The following NKAIN2 variants were observed in gnomAD, a reference collection of about 807,000 sequenced individuals.
NKAIN2 encodes the protein sodium/potassium-transporting ATPase subunit beta-1-interacting protein 2.
In NKAIN2, 14 loss-of-function variants were observed where a neutral mutation model predicts 32.6. The ratio of observed to expected loss-of-function variants is 0.43; its 90% CI spans 0.28 to 0.67. The LOEUF is 0.67. Ranked by LOEUF, NKAIN2 falls within the 30% of genes least tolerant of loss-of-function variation. The pLI is 0.17. For missense variants in NKAIN2, 198 were observed against 258.3 expected (o/e 0.77, Z 1.60); for synonymous variants, 80 against 87.2 (o/e 0.92, Z 0.46).
At chr6:124,801,703 G>C (rs944135852) in intron 5 of NKAIN2, among the ~76,000 whole-genome samples, 1 of 152,144 alleles carries the variant, frequency 6.6e-6, no homozygotes, top group Non-Finnish European at 1.5e-5. Context: ...CTTGATGAAA[G>C]TTCAGACAAG....
chr6:124,292,447 G>A (rs1795858214), intron 2 of NKAIN2, among the ~76,000 whole-genome samples: 1 of 151,904 alleles, frequency 6.6e-6, no homozygotes. Context: ...TTGCCTTTTT[G>A]AACCAAAAGT....
intron 1 of NKAIN2, among the ~76,000 whole-genome samples, chr6:123,909,588 C>G (rs2114447717): frequency 6.6e-6 from 1 of 152,296 alleles, no homozygotes; most frequent in Admixed American, 6.5e-5. Context: ...TTTCTTCTAC[C>G]TAGAGCATTC....
chr6:123,940,580 T>C (rs1776769564), intron 1 of NKAIN2, among the ~76,000 whole-genome samples: 1 of 152,038 alleles, frequency 6.6e-6, no homozygotes, highest in Non-Finnish European at 1.5e-5. Flanking sequence ...TACTATATTG[T>C]AGGCACTTGT....
At chr6:123,826,357 A>C (rs1268221850) in intron 1 of NKAIN2, among the ~76,000 whole-genome samples, 5 of 152,138 alleles carry the variant, frequency 3.3e-5, no homozygotes. Context: ...AATTGTTGTA[A>C]ATCATACATA....
intron 3 of NKAIN2, among the ~76,000 whole-genome samples, chr6:124,413,135 G>T (rs1329379805): frequency 1.3e-5 from 2 of 152,128 alleles, no homozygotes; most frequent in African/African-American, 4.8e-5. Flanking sequence ...GTGAGGTGAT[G>T]CCTCACCCTG....
At chr6:124,381,518 G>A (rs1280467567) in intron 3 of NKAIN2, among the ~76,000 whole-genome samples, 1 of 152,080 alleles carries the variant, frequency 6.6e-6, no homozygotes, top group Non-Finnish European at 1.5e-5. Flanking sequence ...TTTGTATTTT[G>A]AGGCCTGCGT....
intron 1 of NKAIN2, among the ~76,000 whole-genome samples, chr6:124,238,895 A>G (rs1343659091): frequency 6.6e-6 from 1 of 152,222 alleles, no homozygotes. Context: ...ACCAGCTAGC[A>G]TCATAATGAC....
intron 1 of NKAIN2, among the ~76,000 whole-genome samples, chr6:124,170,258 T>A (rs1788777972): frequency 6.6e-6 from 1 of 152,154 alleles, no homozygotes; most frequent in Non-Finnish European, 1.5e-5. Flanking sequence ...CATTGCTTGG[T>A]GTTATTTAAG....
intron 4 of NKAIN2, among the ~76,000 whole-genome samples, chr6:124,746,959 G>C (rs1777479079): frequency 6.6e-6 from 1 of 151,804 alleles, no homozygotes. Context: ...AGAAAACAAA[G>C]ACTAATTGAA....
At position 124,779,659 on chromosome 6, in the gene NKAIN2, A is replaced by C. The variant is rs545536191; in HGVS notation, c.475-11680A>C. Among the ~76,000 whole-genome samples the C allele has an allele frequency of 1.2e-4, 19 of 152,274 alleles. No homozygotes were observed. The East Asian group carries it at 3.3e-3, about 26-fold the overall frequency. ...TATTGCTCTTTAAGCCTGCCACACC[A>C]GTGTGAACAAGCCCAGATTATTCTG... On this transcript the variant is annotated intron_variant, in intron 4 of 6. Coordinates refer to ENST00000368417, the MANE Select transcript of NKAIN2 (RefSeq NM_001040214.3).
chr6:124,574,448 T>C (rs1180932263), intron 3 of NKAIN2, among the ~76,000 whole-genome samples: 1 of 152,006 alleles, frequency 6.6e-6, no homozygotes, highest in African/African-American at 2.4e-5. Context: ...CGAAACCCTG[T>C]CTCTACTAAA....
chr6:124,379,748 A>G (rs117035366), intron 3 of NKAIN2, among the ~76,000 whole-genome samples: 2,425 of 152,248 alleles, frequency 0.016, 35 homozygotes, highest in Non-Finnish European at 0.025. Flanking sequence ...TTGTAGAACT[A>G]TGATGTCATT....
chr6:124,722,478 G>A (rs1776071827), intron 4 of NKAIN2, among the ~76,000 whole-genome samples: 1 of 152,180 alleles, frequency 6.6e-6, no homozygotes, highest in African/African-American at 2.4e-5. Flanking sequence ...AGAATGGAGG[G>A]GAATAGTTTG....
intron 3 of NKAIN2, among the ~76,000 whole-genome samples, chr6:124,577,617 A>T (rs2114932257): frequency 6.6e-6 from 1 of 152,252 alleles, no homozygotes; most frequent in East Asian, 1.9e-4. Context: ...AATAAACTTG[A>T]AAGGCAGTGT....
intron 3 of NKAIN2, among the ~76,000 whole-genome samples, chr6:124,423,966 A>T (rs1479134997): frequency 6.6e-6 from 1 of 152,182 alleles, no homozygotes; most frequent in Non-Finnish European, 1.5e-5. Flanking sequence ...TGTAATACAT[A>T]TTATACTGTT....
chr6:124,057,576 T>C (rs1361063758), intron 1 of NKAIN2, among the ~76,000 whole-genome samples: 1 of 151,858 alleles, frequency 6.6e-6, no homozygotes, highest in African/African-American at 2.4e-5. Context: ...GCTTTACTGC[T>C]GCCTTGTTGC....
intron 2 of NKAIN2, 70 bp from the exon 3 acceptor site, chr6:124,355,197 C>G (rs1029646144): frequency 1.0e-6 from 1 of 991,896 alleles, no homozygotes; most frequent in East Asian, 2.4e-5. Flanking sequence ...TGCGAAAGTT[C>G]GTTTTATTTG....
At chr6:124,125,112 C>T (rs1451944240) in intron 1 of NKAIN2, among the ~76,000 whole-genome samples, 1 of 152,138 alleles carries the variant, frequency 6.6e-6, no homozygotes, top group Admixed American at 6.6e-5. Flanking sequence ...TTTTAAATAA[C>T]AGTGGCTATA....
intron 4 of NKAIN2, among the ~76,000 whole-genome samples, chr6:124,702,731 A>G (rs1774860017): frequency 6.6e-6 from 1 of 152,180 alleles, no homozygotes; most frequent in South Asian, 2.1e-4. Flanking sequence ...AAATTTTGAA[A>G]GCCCAACTGC....
Sources: allele counts gnomAD v4.1 joint callset (sites outside exome capture counted in the v4.1 genomes callset), GRCh38; gene constraint gnomAD v4.1.1; transcripts MANE v1.5; gene names NCBI Gene and HGNC (gene_info 2026-07-23, HGNC 2026-07-21).